Variants in UBE2D2 observed in about 807,000 individuals in gnomAD.
The protein encoded by UBE2D2 is ubiquitin-conjugating enzyme E2 D2.
UBE2D2 carries 2 observed loss-of-function variants against 24.2 expected under a neutral mutation model. That is an observed-to-expected ratio of 0.08 (90% CI 0.03 to 0.26). The LOEUF (loss-of-function observed/expected upper bound fraction) is 0.26. Ranked by LOEUF, UBE2D2 falls within the 10% of genes least tolerant of loss-of-function variation. The probability of loss-of-function intolerance (pLI) is 1.00; values close to 1 mark genes in which losing one functional copy is unlikely to be tolerated. For synonymous variants in UBE2D2, 58 were observed against 56.5 expected, an observed-to-expected ratio of 1.03 and a Z score of -0.12; for missense variants, 44 against 177.6, an observed-to-expected ratio of 0.25 and a Z score of 4.28.
rs139166699 is a variant in UBE2D2, at chr5:139,607,052, C to T, written c.88+6617C>T. On this transcript the variant is annotated intron_variant, in intron 2 of 6. Transcript: ENST00000398733. ...AACTCCTGACCTCGTGATTGGTCTG[C>T]CCCGGCCTCCCAAAGTGCTGGGATT... is the stretch of plus-strand genomic sequence containing the variant. Among the ~76,000 whole-genome samples the T allele has an allele frequency of 6.2e-3, 946 of 152,284 alleles. 15 individuals are homozygous for T. The highest frequency in any genetic ancestry group is 0.02 in the African/African-American group (814 of 41,568).
intron 6 of UBE2D2, among the ~76,000 whole-genome samples, chr5:139,625,430 A>AC (rs71574455): frequency 6.8e-4 from 15 of 21,978 alleles, no homozygotes; most frequent in South Asian, 6.0e-3. Flanking sequence ...ACCCACCCCC[A>AC]CCCCCCCCCC....
At chr5:139,528,415 G>C (rs1254699904) in intron 1 of UBE2D2, among the ~76,000 whole-genome samples, 5 of 152,138 alleles carry the variant, frequency 3.3e-5, no homozygotes, top group African/African-American at 1.2e-4. Context: ...TTTACACTCT[G>C]TGTCAGAAAG....
At chr5:139,612,160 AT>A (rs1177056471) in intron 2 of UBE2D2, 2 of 166,286 alleles carry the variant, frequency 1.2e-5, no homozygotes, top group Admixed American at 1.2e-4. Flanking sequence ...AGAAGTGTAG[AT>A]TTGTTTCGAA....
intron 1 of UBE2D2, among the ~76,000 whole-genome samples, chr5:139,579,025 T>A (rs981763944): frequency 3.3e-5 from 5 of 152,238 alleles, no homozygotes; most frequent in African/African-American, 1.2e-4. Context: ...TGGAGTGTAG[T>A]GGCACAATCT....
At chr5:139,526,851 G>A (rs1483025932) in intron 1 of UBE2D2, among the ~76,000 whole-genome samples, 1 of 152,188 alleles carries the variant, frequency 6.6e-6, no homozygotes, top group Non-Finnish European at 1.5e-5. Context: ...GGATACTTTA[G>A]TTTTGGTTTT....
intron 2 of UBE2D2, 109 bp downstream of exon 2, chr5:139,600,544 G>T: frequency 2.0e-6 from 2 of 1,023,516 alleles, no homozygotes; most frequent in Non-Finnish European, 2.9e-6. Context: ...AGTGGCCCAT[G>T]AAGGGAGCAA....
intron 5 of UBE2D2, among the ~76,000 whole-genome samples, chr5:139,622,223 A>C (rs1027137734): frequency 6.6e-5 from 10 of 151,698 alleles, no homozygotes; most frequent in African/African-American, 2.4e-4. Flanking sequence ...TATTTGTTTT[A>C]TTTTATTTTT....
At chr5:139,572,732 G>C (rs922411494) in intron 1 of UBE2D2, among the ~76,000 whole-genome samples, 43 of 148,472 alleles carry the variant, frequency 2.9e-4, no homozygotes, top group African/African-American at 1.1e-3. Flanking sequence ...TGCAACCTCC[G>C]CCTCTCAGGC....
intron 2 of UBE2D2, among the ~76,000 whole-genome samples, chr5:139,602,042 ATT>A (rs1203597160): frequency 6.6e-6 from 1 of 151,972 alleles, no homozygotes; most frequent in Non-Finnish European, 1.5e-5. Context: ...TATGTTTAAT[ATT>A]TTTTTGTTTG....
chr5:139,592,063 C>T (rs1268258834), intron 1 of UBE2D2, among the ~76,000 whole-genome samples: 1 of 151,998 alleles, frequency 6.6e-6, no homozygotes, highest in African/African-American at 2.4e-5. Context: ...TTAGCCGGGC[C>T]TGGTGGCGGG....
At chr5:139,590,934 A>T (rs1753834263) in intron 1 of UBE2D2, among the ~76,000 whole-genome samples, 1 of 151,034 alleles carries the variant, frequency 6.6e-6, no homozygotes, top group African/African-American at 2.4e-5. Flanking sequence ...AGCTGGGATT[A>T]TAGGCATGTG....
intron 1 of UBE2D2, among the ~76,000 whole-genome samples, chr5:139,552,123 T>G (rs1413154616): frequency 6.6e-6 from 1 of 151,908 alleles, no homozygotes; most frequent in African/African-American, 2.4e-5. Flanking sequence ...CCTTTCCAAA[T>G]AAATAGATTA....
At chr5:139,531,671 A>G (rs1416456963) in intron 1 of UBE2D2, among the ~76,000 whole-genome samples, 1 of 151,732 alleles carries the variant, frequency 6.6e-6, no homozygotes, top group Admixed American at 6.6e-5. Flanking sequence ...AGAAAAGAAA[A>G]TAATGCCTGG....
chr5:139,619,386 A>G (rs1754470648), intron 5 of UBE2D2, among the ~76,000 whole-genome samples: 1 of 143,828 alleles, frequency 7.0e-6, no homozygotes, highest in Admixed American at 7.1e-5. Flanking sequence ...ACAGAGCAAG[A>G]GTCTGTCTCA....
At chr5:139,549,758 C>G (rs566381439) in intron 1 of UBE2D2, among the ~76,000 whole-genome samples, 1 of 152,350 alleles carries the variant, frequency 6.6e-6, no homozygotes, top group South Asian at 2.1e-4. Flanking sequence ...GCGGGCAACT[C>G]CGCCCCGGCC....
chr5:139,535,854 G>A (rs1752662955), intron 1 of UBE2D2, among the ~76,000 whole-genome samples: 1 of 152,098 alleles, frequency 6.6e-6, no homozygotes, highest in African/African-American at 2.4e-5. Context: ...CTAACTGTGA[G>A]AAGTCTTGTT....
At chr5:139,568,741 G>C (rs1002463821) in intron 1 of UBE2D2, among the ~76,000 whole-genome samples, 10 of 152,196 alleles carry the variant, frequency 6.6e-5, no homozygotes, top group African/African-American at 2.4e-4. Flanking sequence ...GGGATGCCGA[G>C]GTGAGTGGAT....
chr5:139,541,743 A>C (rs140058683), intron 1 of UBE2D2, among the ~76,000 whole-genome samples: 2 of 148,286 alleles, frequency 1.3e-5, no homozygotes, highest in East Asian at 3.9e-4. Flanking sequence ...ACAACCCTAC[A>C]AAAAAAAAAT....
chr5:139,537,760 T>C lies in UBE2D2; in HGVS notation c.-64+11148T>C, dbSNP rs368322183. Among the ~76,000 whole-genome samples, 24 of 151,702 alleles carry C rather than the reference T, an allele frequency of 1.6e-4. No individual in the cohort carries two copies. In the East Asian group the frequency reaches 3.8e-3, roughly 24 times the overall value. On this transcript the variant is annotated intron_variant, in intron 1 of 6. Coordinates refer to the UBE2D2 transcript ENST00000511725. ...TGGGCGGATCACGAGGTCAGGAGAT[T>C]GAGACCATCCTGGCTAACACGGTGA...
Sources: gnomAD v4.1 joint callset for allele counts (sites outside exome capture counted in the v4.1 genomes callset) on GRCh38, gnomAD v4.1.1 for gene constraint, MANE v1.5 for transcripts, NCBI Gene and HGNC (gene_info 2026-07-23, HGNC 2026-07-21) for gene names.